Variants in GAK observed in about 807,000 individuals in gnomAD.
GAK encodes cyclin-G-associated kinase.
Under a neutral mutation model 143.9 loss-of-function variants are expected in GAK, and 79 were observed. That is an observed-to-expected ratio of 0.55 (90% CI 0.46 to 0.66). The LOEUF (loss-of-function observed/expected upper bound fraction) is 0.66, where lower values mean the gene tolerates loss of function less well. Ranked by LOEUF, GAK falls within the 30% of genes least tolerant of loss-of-function variation. The pLI, the probability that GAK is intolerant of heterozygous loss-of-function variation, is 0.00. For missense variants in GAK, 1,693 were observed against 1,779.7 expected (o/e 0.95, Z 0.88); for synonymous variants, 881 against 765.5 (o/e 1.15, Z -2.49).
At position 926,103 on chromosome 4, in the gene GAK, C is replaced by CA. The variant is rs1347561271; in HGVS notation, c.145+5939dup. Among the ~76,000 whole-genome samples, 5 of 151,652 alleles carry CA rather than the reference C, an allele frequency of 3.3e-5. No homozygotes were observed. In the East Asian group the frequency reaches 9.7e-4, roughly 29 times the overall value. On this transcript the variant is annotated intron_variant, in intron 1 of 27. Transcript: ENST00000314167. ...ACCTCCCCAAACGTCTAATTCACCC[C>CA]AGGGGGTCCTCCCTGGACAGTGACC...
chr4:894,148 G>A (rs913432099), intron 7 of GAK, 139 bp from the exon 8 acceptor site: 81 of 952,988 alleles, frequency 8.5e-5, no homozygotes, highest in Non-Finnish European at 1.1e-4. Flanking sequence ...GCGCAGGGGT[G>A]ACACTGGGGA....
At chr4:873,782 G>T (rs1456540299) in intron 18 of GAK, among the ~76,000 whole-genome samples, 68 of 152,174 alleles carry the variant, frequency 4.5e-4, no homozygotes, top group Admixed American at 4.5e-3. Context: ...CGTGTGCAAG[G>T]GTTTTGAAGT....
rs183448511 is a variant in GAK at position 905,029 on chromosome 4, G to A, written c.383-250C>T. Among the ~76,000 whole-genome samples the A allele has an allele frequency of 1.1e-3, 171 of 152,198 alleles. 1 individual carries two copies. Among genetic ancestry groups the A allele is most frequent in the African/African-American group, 3.9e-3 (161 of 41,504 alleles). On this transcript the variant is annotated intron_variant, in intron 4 of 27. Coordinates refer to ENST00000314167, the MANE Select transcript of GAK (RefSeq NM_005255.4). ...TCACCCTGTCTTCTGATTGCTTTTC[G>A]TAACCAATCAGATGTTTGCACAGGA...
At chr4:862,340 A>G (rs1482672518) in intron 23 of GAK, among the ~76,000 whole-genome samples, 1 of 152,224 alleles carries the variant, frequency 6.6e-6, no homozygotes, top group Non-Finnish European at 1.5e-5. Context: ...CTCTCCATGC[A>G]GATATAAGAC....
chr4:893,905 GTCGTGCGGGGGGATCGAGTACTTC>G lies in GAK; in HGVS notation c.822_845del (p.Lys275_Asp282del). On this transcript the variant is annotated inframe_deletion, in exon 8 of 28. Coordinates refer to ENST00000314167, the MANE Select transcript of GAK (RefSeq NM_005255.4). ...GGCTGTGGAAGACCGTGTACTGCGT[GTCGTGCGGGGGGATCGAGTACTTC>G]CCATTGACTATTCGAAGTTTCGCTC... The G allele has an allele frequency of 6.2e-7, 1 of 1,610,308 alleles. No homozygotes were observed. Among genetic ancestry groups the G allele is most frequent in the Non-Finnish European group, 8.5e-7 (1 of 1,178,250 alleles).
At chr4:902,596 C>CAAAAAGAAAAAAA (rs1720088382) in intron 5 of GAK, among the ~76,000 whole-genome samples, 3 of 60,730 alleles carry the variant, frequency 4.9e-5, no homozygotes, top group Non-Finnish European at 8.2e-5. Flanking sequence ...GTGACTGACT[C>CAAAAAGAAAAAAA]AAAAAAAAAA....
At chr4:852,339 G>A (rs959383948) in intron 24 of GAK, 16 of 350,872 alleles carry the variant, frequency 4.6e-5, no homozygotes, top group Non-Finnish European at 7.4e-5. Flanking sequence ...GCTTGTCCAC[G>A]GGGGTTGGGG....
intron 25 of GAK, 132 bp downstream of exon 25, chr4:851,618 G>C: frequency 1.1e-6 from 1 of 916,378 alleles, no homozygotes; most frequent in Non-Finnish European, 1.7e-6. Flanking sequence ...AAACCGCGTC[G>C]TTCTCTGAGT....
Position 932,238 on chromosome 4 carries a change from TC to T in GAK, c.-52del. The T allele has an allele frequency of 1.4e-6, 2 of 1,473,354 alleles. No homozygotes were observed. The highest frequency in any genetic ancestry group is 1.8e-6 in the Non-Finnish European group (2 of 1,117,628). 91.3% of individuals were successfully genotyped at this position (1,473,354 alleles called of 1,614,324 possible). A position where few individuals can be genotyped will look rare whatever the true frequency, so the allele number is the denominator to read the frequency against. On this transcript the variant is annotated 5_prime_UTR_variant, in exon 1 of 28. Coordinates refer to ENST00000314167, the MANE Select transcript of GAK (RefSeq NM_005255.4). The surrounding 1 kb of genome is among the most constrained non-coding windows in gnomAD (Gnocchi z 4.0). Reference sequence around the variant, plus strand: ...GCAGCCGGAGTGGTCGGGCTCGGGCTCCCGCTCCCTCGCCGTCCGGGTCAGC... The same window carrying T: ...GCAGCCGGAGTGGTCGGGCTCGGGCTCCGCTCCCTCGCCGTCCGGGTCAGC...
intron 24 of GAK, among the ~76,000 whole-genome samples, chr4:858,753 G>A (rs1173751490): frequency 6.6e-6 from 1 of 152,174 alleles, no homozygotes; most frequent in African/African-American, 2.4e-5. Context: ...GTGAGGACTC[G>A]AAGCCAGCCC....
At chr4:912,959 G>C (rs1262017377) in intron 2 of GAK, among the ~76,000 whole-genome samples, 165 bp from the exon 3 acceptor site, 1 of 152,230 alleles carries the variant, frequency 6.6e-6, no homozygotes, top group Non-Finnish European at 1.5e-5. Context: ...AAAACGTGCT[G>C]GGGGTTCAAG....
intron 18 of GAK, among the ~76,000 whole-genome samples, chr4:874,322 T>C (rs527872588): frequency 6.6e-6 from 1 of 152,334 alleles, no homozygotes; most frequent in Admixed American, 6.5e-5. Flanking sequence ...GAGTCATGCA[T>C]TCCAGCCTCC....
At chr4:882,127 T>C in intron 14 of GAK, 87 bp from the exon 15 acceptor site, 1 of 1,392,458 alleles carries the variant, frequency 7.2e-7, no homozygotes, top group Non-Finnish European at 9.7e-7. Flanking sequence ...ACCCACCCTG[T>C]GGCTGCAGGG....
chr4:895,207 G>A (rs1341593580), intron 7 of GAK, among the ~76,000 whole-genome samples: 4 of 152,182 alleles, frequency 2.6e-5, no homozygotes, highest in Non-Finnish European at 4.4e-5. Context: ...GAAGCTGCAG[G>A]AAGCAGCCTC....
intron 17 of GAK, 95 bp downstream of exon 17, chr4:876,994 TG>T: frequency 1.2e-6 from 1 of 845,094 alleles, no homozygotes; most frequent in Non-Finnish European, 1.9e-6. Context: ...GCGAGCACCC[TG>T]GACCCTCGGT....
chr4:912,457 G>T, intron 3 of GAK: 1 of 420,594 alleles, frequency 2.4e-6, no homozygotes. Context: ...GTGGTAACCA[G>T]CCCATCCACT....
Position 864,695 on chromosome 4 carries a change from C to G in GAK, c.3166+427G>C, listed in dbSNP as rs752576322. ...TCCTGACAGGGCATGGGGCATCGGCCGCAACACCGAGACAAGACCCATGGG... is the reference window on the plus strand; with the variant it reads ...TCCTGACAGGGCATGGGGCATCGGCGGCAACACCGAGACAAGACCCATGGG... On this transcript the variant is annotated intron_variant, in intron 23 of 27. Transcript: ENST00000314167. 7.9e-5 allele frequency among the ~76,000 whole-genome samples: 12 copies of G among 152,130 alleles called. No individual in the cohort carries two copies. The South Asian group carries it at 1.2e-3, about 16-fold the overall frequency.
chr4:884,318 T>C, intron 11 of GAK: 1 of 538,598 alleles, frequency 1.9e-6, no homozygotes, highest in South Asian at 2.2e-5. Flanking sequence ...CTGCAGCTGG[T>C]GGAGGCATGG....
Position 888,940 on chromosome 4 carries a change from T to C in GAK, c.1112A>G (p.Tyr371Cys). The part of the protein sequence containing the change: ...GLALAEYDQP[Y>C]GGFLDILRGG... ...CCGCAGAATGTCCAGGAAGCCGCCA[T>C]ACGGCTGGTCGTACTCCGCCAGCGC... Residue 371 changes from tyrosine (Y) to cysteine (C), a missense_variant, in exon 11 of 28, where the codon TAT becomes TGT. Physicochemically the swap from Tyr to Cys is radical, Grantham distance 194 (BLOSUM62 -2). Around this residue, in one of 2 missense-constraint regions of GAK, gnomAD observed 871 missense variants for 991.0 expected, o/e 0.88. Coordinates refer to ENST00000314167, the MANE Select transcript of GAK (RefSeq NM_005255.4). The C allele has an allele frequency of 6.2e-7, 1 of 1,612,238 alleles. No individual in the cohort carries two copies. Among genetic ancestry groups the C allele is most frequent in the Non-Finnish European group, 8.5e-7 (1 of 1,179,718 alleles).
Sources: gnomAD v4.1 joint callset for allele counts (sites outside exome capture counted in the v4.1 genomes callset) on GRCh38, gnomAD v4.1.1 for gene constraint, gnomAD v4.1.1 regional missense constraint, Gnocchi (gnomAD v3.1) non-coding constraint, MANE v1.5 for transcripts, NCBI Gene and HGNC (gene_info 2026-07-23, HGNC 2026-07-21) for gene names.